Variants in PTPRD observed in about 807,000 individuals in gnomAD.
PTPRD encodes the protein protein tyrosine phosphatase receptor type D.
PTPRD carries 34 observed loss-of-function variants against 214.5 expected under a neutral mutation model. The ratio of observed to expected loss-of-function variants is 0.16; its 90% CI spans 0.12 to 0.21. The LOEUF (loss-of-function observed/expected upper bound fraction) is 0.21. PTPRD is among the 10% of genes least tolerant of loss of function. The probability of loss-of-function intolerance (pLI) is 1.00; values close to 1 mark genes in which losing one functional copy is unlikely to be tolerated. For missense variants in PTPRD, 2,545 were observed against 2,398.7 expected (o/e 1.06, Z -1.27); for synonymous variants, 1,128 against 845.7 (o/e 1.33, Z -5.79).
At chr9:9,469,296 A>T (rs1343200972) in intron 8 of PTPRD, among the ~76,000 whole-genome samples, 1 of 152,140 alleles carries the variant, frequency 6.6e-6, no homozygotes, top group Non-Finnish European at 1.5e-5. Context: ...GACTTGCATT[A>T]TCTTTGGATA....
intron 9 of PTPRD, among the ~76,000 whole-genome samples, chr9:9,346,217 T>C (rs1201886692): frequency 2.0e-5 from 3 of 152,182 alleles, no homozygotes; most frequent in Non-Finnish European, 4.4e-5. Flanking sequence ...ACAAGGTGTT[T>C]ACAATGACAT....
rs549939432 is a variant in PTPRD, at chr9:9,931,373, C to G, written c.-368+7134G>C. The stretch of plus-strand genomic sequence containing the variant: ...GGCGCAGGTCAGTGGGTGCGTGCAC[C>G]GTGCGTGAGCCGAAGCAGGGCGAGG... On this transcript the variant is annotated intron_variant, in intron 5 of 45. Coordinates refer to ENST00000381196, the MANE Select transcript of PTPRD (RefSeq NM_002839.4). 6.6e-5 allele frequency among the ~76,000 whole-genome samples: 10 copies of G among 152,218 alleles called. No individual in the cohort carries two copies. In the East Asian group the frequency reaches 1.9e-3, roughly 30 times the overall value.
At chr9:8,820,763 T>C (rs1481945728) in intron 11 of PTPRD, among the ~76,000 whole-genome samples, 1 of 152,152 alleles carries the variant, frequency 6.6e-6, no homozygotes, top group Non-Finnish European at 1.5e-5. Flanking sequence ...TATGTATATA[T>C]GTCTCTGGAC....
intron 9 of PTPRD, among the ~76,000 whole-genome samples, chr9:9,208,252 G>A (rs1426433876): frequency 6.6e-6 from 1 of 151,578 alleles, no homozygotes; most frequent in Non-Finnish European, 1.5e-5. Context: ...CTGACCTTCT[G>A]ATCTGCCCGC....
chr9:9,218,676 G>A (rs901376093), intron 9 of PTPRD, among the ~76,000 whole-genome samples: 2 of 152,098 alleles, frequency 1.3e-5, no homozygotes, highest in Non-Finnish European at 2.9e-5. Context: ...TAATGGGACA[G>A]GTAAGACTGG....
intron 5 of PTPRD, among the ~76,000 whole-genome samples, chr9:9,933,962 C>G (rs1206059378): frequency 2.1e-5 from 3 of 145,362 alleles, no homozygotes; most frequent in Admixed American, 6.7e-5. Flanking sequence ...ACTGAACAAC[C>G]TGCTCCTGAA....
chr9:8,867,973 T>C (rs1348217067), intron 11 of PTPRD, among the ~76,000 whole-genome samples: 1 of 152,148 alleles, frequency 6.6e-6, no homozygotes, highest in Non-Finnish European at 1.5e-5. Flanking sequence ...GCACATCCCA[T>C]TTTTTCCAGT....
At chr9:8,451,538 T>C (rs1268884649) in intron 33 of PTPRD, among the ~76,000 whole-genome samples, 1 of 152,026 alleles carries the variant, frequency 6.6e-6, no homozygotes, top group Non-Finnish European at 1.5e-5. Context: ...AGTTTCAGAG[T>C]AGGCAATGTC....
intron 3 of PTPRD, among the ~76,000 whole-genome samples, chr9:10,168,556 T>C (rs2099174403): frequency 6.6e-6 from 1 of 152,222 alleles, no homozygotes; most frequent in Admixed American, 6.5e-5. Flanking sequence ...ACAGCATCTT[T>C]TGTGCTTCTC....
intron 7 of PTPRD, among the ~76,000 whole-genome samples, chr9:9,693,972 T>G (rs1470927986): frequency 6.6e-6 from 1 of 152,320 alleles, no homozygotes; most frequent in Non-Finnish European, 1.5e-5. Flanking sequence ...CTCTGTTAAA[T>G]TTATCCGACA....
intron 5 of PTPRD, among the ~76,000 whole-genome samples, chr9:9,771,332 T>A (rs539914618): frequency 6.6e-6 from 1 of 152,316 alleles, no homozygotes; most frequent in East Asian, 1.9e-4. Context: ...ATAAGCTGCA[T>A]TTAAAAAACA....
At chr9:10,108,093 T>C (rs1223443070) in intron 3 of PTPRD, among the ~76,000 whole-genome samples, 2 of 152,082 alleles carry the variant, frequency 1.3e-5, no homozygotes, top group African/African-American at 4.8e-5. Context: ...TCTGTGGGTG[T>C]CCAATCAACC....
chr9:8,757,114 C>T (rs537735413), intron 11 of PTPRD, among the ~76,000 whole-genome samples: 3 of 152,236 alleles, frequency 2.0e-5, no homozygotes, highest in East Asian at 3.9e-4. Context: ...TGCACTCCAG[C>T]GTGGGCAACA....
intron 12 of PTPRD, among the ~76,000 whole-genome samples, chr9:8,648,122 G>C (rs2096732451): frequency 6.6e-6 from 1 of 152,208 alleles, no homozygotes; most frequent in African/African-American, 2.4e-5. Flanking sequence ...ACGTGGGTCA[G>C]AGCAGAAAAG....
chr9:9,302,525 C>T (rs939072787), intron 9 of PTPRD, among the ~76,000 whole-genome samples: 4 of 151,432 alleles, frequency 2.6e-5, no homozygotes, highest in Non-Finnish European at 4.4e-5. Context: ...TTCCATGTTC[C>T]GCCTTCCCCA....
chr9:9,228,388 C>T (rs1043049891), intron 9 of PTPRD, among the ~76,000 whole-genome samples: 3 of 152,022 alleles, frequency 2.0e-5, no homozygotes, highest in Admixed American at 6.6e-5. Flanking sequence ...TGCAAATACA[C>T]ATATGTGCAC....
chr9:9,150,756 G>A (rs895431671), intron 10 of PTPRD, among the ~76,000 whole-genome samples: 81 of 152,196 alleles, frequency 5.3e-4, no homozygotes, highest in African/African-American at 1.9e-3. Context: ...TTACAGGCAT[G>A]AGCCAACAAC....
At chr9:8,836,018 T>A (rs887901202) in intron 11 of PTPRD, among the ~76,000 whole-genome samples, 1 of 152,194 alleles carries the variant, frequency 6.6e-6, no homozygotes, top group Non-Finnish European at 1.5e-5. Context: ...TTCATAAATA[T>A]TGGTTTAATT....
intron 3 of PTPRD, among the ~76,000 whole-genome samples, chr9:10,156,926 G>C (rs896825601): frequency 7.9e-5 from 12 of 152,100 alleles, no homozygotes; most frequent in African/African-American, 2.4e-4. Context: ...CTTAAAGTCT[G>C]TTTTGTCTGA....
Sources: gnomAD v4.1 joint callset for allele counts (sites outside exome capture counted in the v4.1 genomes callset) on GRCh38, gnomAD v4.1.1 for gene constraint, MANE v1.5 for transcripts, NCBI Gene and HGNC (gene_info 2026-07-23, HGNC 2026-07-21) for gene names.